Variants in PECAM1 observed in about 807,000 individuals in gnomAD.
The protein encoded by PECAM1 is platelet and endothelial cell adhesion molecule 1, also known as platelet endothelial cell adhesion molecule.
Under a neutral mutation model 13.8 loss-of-function variants are expected in PECAM1, and 8 were observed. That is an observed-to-expected ratio of 0.58 (90% CI 0.34 to 1.05). The LOEUF (loss-of-function observed/expected upper bound fraction) is 1.05. PECAM1 is among the 50% of genes least tolerant of loss of function. The pLI, the probability that PECAM1 is intolerant of heterozygous loss-of-function variation, is 0.03. For missense variants in PECAM1, 304 were observed against 141.2 expected (o/e 2.15, Z -5.84); for synonymous variants, 136 against 52.6 (o/e 2.58, Z -6.86).
At chr17:64,330,419 G>A (rs924122081) in intron 14 of PECAM1, among the ~76,000 whole-genome samples, 1 of 151,678 alleles carries the variant, frequency 6.6e-6, no homozygotes, top group East Asian at 2.0e-4. Context: ...GAGGCAGGCG[G>A]ATCACCTGAG....
chr17:64,344,341 G>A (rs1395084142), intron 13 of PECAM1, among the ~76,000 whole-genome samples: 1 of 152,112 alleles, frequency 6.6e-6, no homozygotes, highest in African/African-American at 2.4e-5. Flanking sequence ...AGTAAACCAG[G>A]CTGGCAGGCT....
chr17:64,351,743 A>T (rs1482932921), intron 11 of PECAM1, among the ~76,000 whole-genome samples: 1 of 152,106 alleles, frequency 6.6e-6, no homozygotes, highest in Admixed American at 6.6e-5. Context: ...AGAGTGTTCC[A>T]AATTTGGTCT....
intron 15 of PECAM1, among the ~76,000 whole-genome samples, chr17:64,326,321 G>A (rs1483052407): frequency 6.6e-6 from 1 of 152,210 alleles, no homozygotes; most frequent in African/African-American, 2.4e-5. Context: ...AGCCAGCCTG[G>A]CTGGCTTCCT....
Position 64,377,993 on chromosome 17 carries a change from C to G in PECAM1, c.216G>C (p.Gln72His). 2.1e-6 allele frequency: 1 copy of G among 475,370 alleles called. No individual in the cohort carries two copies. The highest frequency in any genetic ancestry group is 3.2e-5 in the Admixed American group (1 of 31,742). The allele number at this position is 475,370 out of a possible 1,614,324, so 29.4% of individuals were successfully genotyped here. A position where few individuals can be genotyped will look rare whatever the true frequency, so the allele number is the denominator to read the frequency against. Residue 72 changes from glutamine (Q) to histidine (H), a missense_variant, in exon 3 of 16, where the codon CAG becomes CAC. Coordinates refer to ENST00000563924, the MANE Select transcript of PECAM1 (RefSeq NM_000442.5). ...STTSHVKPQH[Q>H]MLFYKDDVLF... Reference sequence around the variant, plus strand: ...GCACGTCATCCTTATAGAACAGCATCTGGTGCTGAGGCTTGACGTGAGAGG... The same window carrying G: ...GCACGTCATCCTTATAGAACAGCATGTGGTGCTGAGGCTTGACGTGAGAGG...
In PECAM1 at chr17:64,341,658, T is replaced by C. The variant is rs1275674646; in HGVS notation, c.2140A>G (p.Ser714Gly). 9 of 454,058 alleles carry C rather than the reference T, an allele frequency of 2.0e-5. No individual in the cohort carries two copies. Among genetic ancestry groups the C allele is most frequent in the Non-Finnish European group, 3.6e-5 (9 of 248,978 alleles). The allele number at this position is 454,058 out of a possible 1,614,324, so 28.1% of individuals were successfully genotyped here. A position where few individuals can be genotyped will look rare whatever the true frequency, so the allele number is the denominator to read the frequency against. The change falls in exon 14 of 16, where the codon AGT (serine) becomes GGT (glycine). Residue 714 changes from serine to glycine, a missense_variant. Ser to Gly is a moderately conservative substitution (Grantham distance 56). Coordinates refer to ENST00000563924, the MANE Select transcript of PECAM1 (RefSeq NM_000442.5). Reference protein sequence around the residue: ...LGKKDTETVYSEVRKAVPDAV... With the variant: ...LGKKDTETVYGEVRKAVPDAV... Reference sequence around the variant, plus strand: ...CCAGGGACAGCTTTCCGGACTTCACTGTACACTGTCTCTGTGTCCTTCTTT... The same window carrying C: ...CCAGGGACAGCTTTCCGGACTTCACCGTACACTGTCTCTGTGTCCTTCTTT...
chr17:64,335,524 T>A (rs931367155), intron 14 of PECAM1, among the ~76,000 whole-genome samples: 1 of 152,116 alleles, frequency 6.6e-6, no homozygotes, highest in Non-Finnish European at 1.5e-5. Flanking sequence ...TGGACAGCAA[T>A]TGGTAACAAA....
intron 14 of PECAM1, among the ~76,000 whole-genome samples, chr17:64,334,674 A>AT (rs2035222485): frequency 6.6e-6 from 1 of 151,968 alleles, no homozygotes. Context: ...CGTCCAGCTA[A>AT]TTTTTTGTAT....
chr17:64,323,109 C>A lies in PECAM1; in HGVS notation c.*707G>T. ...TGGCACCATCTTCCTGTCTTTCAGC[C>A]TTCAGCATGGTAGAGGAAAAGAGAA... On this transcript the variant is annotated 3_prime_UTR_variant, in exon 16 of 16. Transcript: ENST00000563924. 5.1e-6 allele frequency: 5 copies of A among 985,224 alleles called. No homozygotes were observed. The highest frequency in any genetic ancestry group is 6.0e-6 in the Non-Finnish European group (5 of 829,722). The allele number at this position is 985,224 out of a possible 1,614,324, so 61.0% of individuals were successfully genotyped here.
Position 64,354,994 on chromosome 17 carries a change from G to A in PECAM1, c.1827C>T (p.Ile609=), listed in dbSNP as rs989432239. Reference sequence around the variant, plus strand: ...TGATCAAGAGAGCAATGATCACTCCGATGATAACCACTGCAATAAGTCCTT... The same window carrying A: ...TGATCAAGAGAGCAATGATCACTCCAATGATAACCACTGCAATAAGTCCTT... ...WKKGLIAVVI[I]GVIIALLIIA... Residue 609 remains isoleucine, a synonymous_variant, in exon 9 of 16, where the codon ATC becomes ATT. Transcript: ENST00000563924. 3.7e-4 allele frequency: 175 copies of A among 475,340 alleles called. 3 individuals carry two copies. The South Asian group carries it at 0.01, about 28-fold the overall frequency. The allele number at this position is 475,340 out of a possible 1,614,324, so 29.4% of individuals were successfully genotyped here.
intron 2 of PECAM1, among the ~76,000 whole-genome samples, chr17:64,383,187 T>A (rs2036520989): frequency 6.6e-6 from 1 of 152,184 alleles, no homozygotes; most frequent in African/African-American, 2.4e-5. Flanking sequence ...GAGCTGCCCA[T>A]CCCTGGCTGG....
Position 64,378,113 on chromosome 17 carries a change from G to T in PECAM1, c.96C>A (p.Phe32Leu). 1 of 474,858 alleles carries T rather than the reference G, an allele frequency of 2.1e-6. No individual in the cohort carries two copies. Among genetic ancestry groups the T allele is most frequent in the South Asian group, 6.8e-5 (1 of 14,792 alleles). 29.4% of individuals were successfully genotyped at this position (474,858 alleles called of 1,614,324 possible). Residue 32 changes from phenylalanine to leucine, a missense_variant, in exon 3 of 16, where the codon TTC (phenylalanine) becomes TTA (leucine). Coordinates refer to ENST00000563924, the MANE Select transcript of PECAM1 (RefSeq NM_000442.5). Reference sequence around the variant, plus strand: ...TCTTCATGTCAACACTGTTGATTGTGAAAGCTAAATGCAAAGGGAAGGAAG... The same window carrying T: ...TCTTCATGTCAACACTGTTGATTGTTAAAGCTAAATGCAAAGGGAAGGAAG... The part of the protein sequence containing the change: ...CSSLEGQENS[F>L]TINSVDMKSL...
intron 2 of PECAM1, among the ~76,000 whole-genome samples, chr17:64,388,647 G>C (rs2036652088): frequency 6.6e-6 from 1 of 152,036 alleles, no homozygotes; most frequent in Non-Finnish European, 1.5e-5. Context: ...CCTCTCTCGT[G>C]GACAAATCGG....
chr17:64,354,332 G>C (rs2035801445), intron 9 of PECAM1, among the ~76,000 whole-genome samples: 1 of 152,152 alleles, frequency 6.6e-6, no homozygotes, highest in Non-Finnish European at 1.5e-5. Context: ...CAACGCCAGG[G>C]TGTGCTCTAT....
chr17:64,388,342 G>A (rs1014104044), intron 2 of PECAM1, among the ~76,000 whole-genome samples: 11 of 152,190 alleles, frequency 7.2e-5, no homozygotes, highest in African/African-American at 2.2e-4. Context: ...AGGGAGAGTG[G>A]GTAGGGCAGG....
intron 6 of PECAM1, among the ~76,000 whole-genome samples, chr17:64,361,844 C>T (rs2035990826): frequency 6.6e-6 from 1 of 151,036 alleles, no homozygotes; most frequent in African/African-American, 2.4e-5. Flanking sequence ...ATTATTTAGG[C>T]ATTAGTTTAT....
At position 64,339,883 on chromosome 17, in the gene PECAM1, C is replaced by T. The variant is rs1337668120; in HGVS notation, c.2164+1751G>A. Among the ~76,000 whole-genome samples the T allele has an allele frequency of 2.0e-5, 3 of 152,182 alleles. No individual in the cohort carries two copies. In the East Asian group the frequency reaches 5.8e-4, roughly 29 times the overall value. ...CAGTGCTTTTTGCCTGGCACAGTGG[C>T]TCACGCTTGTAATCCCAGCACTTTG... is the stretch of plus-strand genomic sequence containing the variant. On this transcript the variant is annotated intron_variant, in intron 14 of 15. Coordinates refer to ENST00000563924, the MANE Select transcript of PECAM1 (RefSeq NM_000442.5).
intron 3 of PECAM1, among the ~76,000 whole-genome samples, chr17:64,376,071 A>G (rs1464145572): frequency 6.6e-6 from 1 of 152,114 alleles, no homozygotes; most frequent in Non-Finnish European, 1.5e-5. Context: ...TGGGAGGCTG[A>G]GGCAGGTGGA....
At position 64,378,135 on chromosome 17, in the gene PECAM1, G is replaced by A; in HGVS notation, c.92-18C>T. On this transcript the variant is annotated intron_variant, in intron 2 of 15. Transcript: ENST00000563924. ...TGTGAAAGCTAAATGCAAAGGGAAG[G>A]AAGGCAGACATACCTGTTATCTCAG... 4.2e-6 allele frequency: 2 copies of A among 472,602 alleles called. No homozygotes were observed. The highest frequency in any genetic ancestry group is 2.0e-5 in the African/African-American group (1 of 50,586). 29.3% of individuals were successfully genotyped at this position (472,602 alleles called of 1,614,324 possible).
chr17:64,367,920 C>A (rs1319784546), intron 5 of PECAM1, among the ~76,000 whole-genome samples: 1 of 152,080 alleles, frequency 6.6e-6, no homozygotes, highest in East Asian at 1.9e-4. Context: ...CACTATAGAC[C>A]AGCAGGACCC....
Sources: gnomAD v4.1 joint callset for allele counts (sites outside exome capture counted in the v4.1 genomes callset) on GRCh38, gnomAD v4.1.1 for gene constraint, MANE v1.5 for transcripts, NCBI Gene and HGNC (gene_info 2026-07-23, HGNC 2026-07-21) for gene names.